NCKAP1: variants seen among roughly 807,000 people sequenced by gnomAD.
NCKAP1 encodes the protein NCK associated protein 1, also known as nck-associated protein 1.
In NCKAP1, 21 loss-of-function variants were observed where a neutral mutation model predicts 151.2. The observed-to-expected ratio is 0.14, with a 90% CI of 0.10 to 0.20. The LOEUF is 0.20. Ranked by LOEUF, NCKAP1 falls within the 10% of genes least tolerant of loss-of-function variation. The probability of loss-of-function intolerance (pLI) is 1.00; values close to 1 mark genes in which losing one functional copy is unlikely to be tolerated. For synonymous variants in NCKAP1, 484 were observed against 451.8 expected, an observed-to-expected ratio of 1.07 and a Z score of -0.90; for missense variants, 933 against 1,352.1, an observed-to-expected ratio of 0.69 and a Z score of 4.86.
Position 182,910,428 on chromosome 2 carries a change from T to C in NCKAP1, c.*15274A>G, listed in dbSNP as rs1575003566. The C allele has an allele frequency of 1.3e-5, 2 of 152,354 alleles. No homozygotes were observed. The highest frequency in any genetic ancestry group is 2.1e-4 in the South Asian group (1 of 4,826). The allele number at this position is 152,354 out of a possible 1,614,324, so 9.4% of individuals were successfully genotyped here. ...AGTGATTATAAATTGGGCATGGATG[T>C]TAATGTATACTCATATGTGCCCACA... On this transcript the variant is annotated 3_prime_UTR_variant, in exon 31 of 31. Coordinates refer to ENST00000361354, the MANE Select transcript of NCKAP1 (RefSeq NM_013436.5).
chr2:182,926,934 G>A, intron 29 of NCKAP1, 29 bp from the exon 30 acceptor site: 1 of 1,462,754 alleles, frequency 6.8e-7, no homozygotes, highest in Non-Finnish European at 9.4e-7. Context: ...CATAAAGTGA[G>A]TTTGTTAATA....
intron 2 of NCKAP1, among the ~76,000 whole-genome samples, chr2:183,003,644 A>G (rs1698413902): frequency 6.6e-6 from 1 of 152,180 alleles, no homozygotes; most frequent in African/African-American, 2.4e-5. Context: ...GAGCATGATC[A>G]CATTACTAGA....
chr2:182,939,082 G>GA lies in NCKAP1; in HGVS notation c.2695+2987dup, dbSNP rs573769477. Among the ~76,000 whole-genome samples the GA allele has an allele frequency of 3.8e-3, 584 of 152,226 alleles. 2 individuals are homozygous for GA. The highest frequency in any genetic ancestry group is 0.017 in the Middle Eastern group (5 of 294). On this transcript the variant is annotated intron_variant, in intron 24 of 30. Transcript: ENST00000361354. The stretch of plus-strand genomic sequence containing the variant: ...ATGTGAATAGAATGAGTTTTCGAAA[G>GA]AAAAAATTGCTGTAGGAAAACTAGA...
intron 9 of NCKAP1, 71 bp from the exon 10 acceptor site, chr2:182,986,298 C>T (rs540970242): frequency 1.1e-5 from 13 of 1,220,602 alleles, no homozygotes; most frequent in Non-Finnish European, 1.3e-5. Context: ...AAGTCTAATA[C>T]TAGAAGTCAA....
At chr2:182,988,425 G>A (rs1327042139) in intron 9 of NCKAP1, among the ~76,000 whole-genome samples, 1 of 152,114 alleles carries the variant, frequency 6.6e-6, no homozygotes, top group Non-Finnish European at 1.5e-5. Context: ...CCAAGTCTGA[G>A]TTCAATTTGG....
At chr2:183,007,998 C>T (rs114378663) in intron 2 of NCKAP1, among the ~76,000 whole-genome samples, 3,789 of 152,274 alleles carry the variant, frequency 0.025, 76 homozygotes, top group Non-Finnish European at 0.04. Context: ...ACAATCTCGG[C>T]TCACTGCAAC....
Position 182,928,138 on chromosome 2 carries a change from G to T in NCKAP1, c.3159C>A (p.Asp1053Glu). 6.2e-7 allele frequency: 1 copy of T among 1,608,916 alleles called. No homozygotes were observed. The highest frequency in any genetic ancestry group is 1.3e-5 in the African/African-American group (1 of 74,876). Residue 1053 changes from aspartate to glutamate, a missense_variant, in exon 29 of 31, where the codon GAC becomes GAA. Coordinates refer to ENST00000361354, the MANE Select transcript of NCKAP1 (RefSeq NM_013436.5). Reference sequence around the variant, plus strand: ...ATACCGCCAGAAATTCTTTAAGACGGTCTTCAATGCTTCCTTTGTGAATTG... The same window carrying T: ...ATACCGCCAGAAATTCTTTAAGACGTTCTTCAATGCTTCCTTTGTGAATTG... Reference protein sequence around the residue: ...LFTIHKGSIEDRLKEFLALAS... With the variant: ...LFTIHKGSIEERLKEFLALAS...
rs188929995 is a variant in NCKAP1 at position 183,020,745 on chromosome 2, C to T, written c.219+3061G>A. 5.3e-5 allele frequency among the ~76,000 whole-genome samples: 8 copies of T among 152,168 alleles called. No individual in the cohort carries two copies. The East Asian group carries it at 1.4e-3, about 26-fold the overall frequency. ...CACTTAGTAGCCAGAAATCTGCAAC[C>T]TCCTATCAATCCCAGACGCTACTAT... On this transcript the variant is annotated intron_variant, in intron 2 of 30. Transcript: ENST00000361354.
chr2:183,009,447 G>GAAGA (rs1698545836), intron 2 of NCKAP1, among the ~76,000 whole-genome samples: 1 of 138,598 alleles, frequency 7.2e-6, no homozygotes, highest in African/African-American at 2.7e-5. Context: ...AGGAAGGAAG[G>GAAGA]AAGGAAGGAA....
intron 2 of NCKAP1, among the ~76,000 whole-genome samples, chr2:183,015,780 G>A (rs1456541791): frequency 1.4e-5 from 2 of 144,092 alleles, no homozygotes; most frequent in African/African-American, 2.6e-5. Flanking sequence ...TATAGTATCA[G>A]AACACTGTAT....
chr2:183,003,703 AC>A (rs1173963574), intron 2 of NCKAP1, among the ~76,000 whole-genome samples: 1 of 152,180 alleles, frequency 6.6e-6, no homozygotes, highest in African/African-American at 2.4e-5. Flanking sequence ...CTACAAAAAA[AC>A]AATATGCTAT....
intron 23 of NCKAP1, among the ~76,000 whole-genome samples, chr2:182,950,382 C>T (rs1041140126): frequency 3.3e-5 from 5 of 151,988 alleles, no homozygotes. Flanking sequence ...AGTAAAATTT[C>T]AGAGCCATAA....
In NCKAP1 at chr2:182,919,184, A is replaced by T. The variant is rs1696511179; in HGVS notation, c.*6518T>A. The T allele has an allele frequency of 6.6e-6, 1 of 152,196 alleles. No individual in the cohort carries two copies. Among genetic ancestry groups the T allele is most frequent in the Non-Finnish European group, 1.5e-5 (1 of 68,038 alleles). The allele number at this position is 152,196 out of a possible 1,614,324, so 9.4% of individuals were successfully genotyped here. On this transcript the variant is annotated 3_prime_UTR_variant, in exon 31 of 31. Coordinates refer to ENST00000361354, the MANE Select transcript of NCKAP1 (RefSeq NM_013436.5). Reference sequence around the variant, plus strand: ...TAGTCAGCATTTTTGGCTTGATAAAACCACAACTACCAGTTAAGGTCAAAT... The same window carrying T: ...TAGTCAGCATTTTTGGCTTGATAAATCCACAACTACCAGTTAAGGTCAAAT...
At chr2:182,980,774 T>TAATA (rs1302494353) in intron 13 of NCKAP1, among the ~76,000 whole-genome samples, 8 of 152,292 alleles carry the variant, frequency 5.3e-5, no homozygotes, top group Middle Eastern at 3.4e-3. Flanking sequence ...CTCTATCATC[T>TAATA]CTTCTGAATC....
intron 23 of NCKAP1, among the ~76,000 whole-genome samples, chr2:182,945,400 AAAAG>A (rs1240944063): frequency 4.6e-5 from 7 of 152,090 alleles, no homozygotes; most frequent in East Asian, 1.9e-4. Flanking sequence ...TGTCTCTTAA[AAAAG>A]AAAGAAAGAA....
In NCKAP1 at chr2:182,915,163, T is replaced by C. The variant is rs1261630952; in HGVS notation, c.*10539A>G. 3 of 152,232 alleles carry C rather than the reference T, an allele frequency of 2.0e-5. No individual in the cohort carries two copies. The highest frequency in any genetic ancestry group is 3.2e-3 in the Middle Eastern group (1 of 316). The allele number at this position is 152,232 out of a possible 1,614,324, so 9.4% of individuals were successfully genotyped here. On this transcript the variant is annotated 3_prime_UTR_variant, in exon 31 of 31. Coordinates refer to ENST00000361354, the MANE Select transcript of NCKAP1 (RefSeq NM_013436.5). ...CCAAAGATACAATGAAGTTAATAAA[T>C]GAAGCAAAGCAGATTTCTAGACTAG...
intron 2 of NCKAP1, among the ~76,000 whole-genome samples, chr2:183,016,932 C>T (rs970550897): frequency 2.0e-5 from 3 of 151,958 alleles, no homozygotes; most frequent in Non-Finnish European, 4.4e-5. Flanking sequence ...GTGGGGAACC[C>T]GGACAAGTCG....
At chr2:182,966,578 G>T (rs183981045) in intron 16 of NCKAP1, among the ~76,000 whole-genome samples, 3 of 152,124 alleles carry the variant, frequency 2.0e-5, no homozygotes, top group Admixed American at 6.5e-5. Context: ...GAGCCACCGC[G>T]CCTGGCCACC....
intron 8 of NCKAP1, among the ~76,000 whole-genome samples, chr2:182,990,903 A>G (rs1698155831): frequency 6.6e-6 from 1 of 152,192 alleles, no homozygotes; most frequent in Non-Finnish European, 1.5e-5. Flanking sequence ...TGAACTATAC[A>G]AAAATATTTT....
Sources: gnomAD v4.1 joint callset for allele counts (sites outside exome capture counted in the v4.1 genomes callset) on GRCh38, gnomAD v4.1.1 for gene constraint, MANE v1.5 for transcripts, NCBI Gene and HGNC (gene_info 2026-07-23, HGNC 2026-07-21) for gene names.